Variants in YTHDC2 observed in about 807,000 individuals in gnomAD.
YTHDC2 encodes the protein YTH N6-methyladenosine RNA binding protein C2.
In YTHDC2, 45 loss-of-function variants were observed where a neutral mutation model predicts 174.9. The observed-to-expected ratio is 0.26, with a 90% CI of 0.20 to 0.33. YTHDC2 has a LOEUF of 0.33. Among genes scored for constraint, YTHDC2 ranks in the 10% least tolerant of loss-of-function variants. The probability of loss-of-function intolerance (pLI) is 1.00; values close to 1 mark genes in which losing one functional copy is unlikely to be tolerated. For missense variants in YTHDC2, 1,650 were observed against 1,723.7 expected (o/e 0.96, Z 0.76); for synonymous variants, 657 against 574.5 (o/e 1.14, Z -2.05).
intron 7 of YTHDC2, among the ~76,000 whole-genome samples, chr5:113,536,136 C>T (rs1775052821): frequency 6.6e-6 from 1 of 152,220 alleles, no homozygotes; most frequent in Non-Finnish European, 1.5e-5. Context: ...TTCACATTCA[C>T]TTCTGAAAAT....
At chr5:113,586,761 T>C (rs946559294) in intron 26 of YTHDC2, among the ~76,000 whole-genome samples, 2 of 149,982 alleles carry the variant, frequency 1.3e-5, no homozygotes, top group Non-Finnish European at 3.0e-5. Context: ...AAACCATTTG[T>C]TTTTTTCCAT....
chr5:113,571,033 A>G (rs747703542), intron 23 of YTHDC2, among the ~76,000 whole-genome samples: 1 of 152,208 alleles, frequency 6.6e-6, no homozygotes, highest in Non-Finnish European at 1.5e-5. Context: ...AAGAGTGATG[A>G]GAGAGGACAT....
At position 113,564,044 on chromosome 5, in the gene YTHDC2, C is replaced by G. The variant is rs745561649; in HGVS notation, c.2628C>G (p.Ala876=). The change falls in exon 20 of 30, where the codon GCC becomes GCG. Residue 876 remains alanine (A), a synonymous_variant. Coordinates refer to ENST00000161863, the MANE Select transcript of YTHDC2 (RefSeq NM_022828.5). ...ATCCTTTTGTACTACCTACTCAGGC[C>G]TCTCAAAAACGTGCAGCTATGCTTT... The part of the protein sequence containing the change: ...YRDPFVLPTQ[A]SQKRAAMLCR... The G allele has an allele frequency of 3.1e-6, 5 of 1,613,964 alleles. No homozygotes were observed. Among genetic ancestry groups the G allele is most frequent in the East Asian group, 2.2e-5 (1 of 44,872 alleles).
At position 113,591,981 on chromosome 5, in the gene YTHDC2, C is replaced by T; in HGVS notation, c.4030-15C>T. 1 of 1,585,206 alleles carries T rather than the reference C, an allele frequency of 6.3e-7. No homozygotes were observed. Among genetic ancestry groups the T allele is most frequent in the East Asian group, 2.3e-5 (1 of 44,208 alleles). On this transcript the variant is annotated splice_polypyrimidine_tract_variant and intron_variant, in intron 27 of 29. Coordinates refer to ENST00000161863, the MANE Select transcript of YTHDC2 (RefSeq NM_022828.5). ...TCCTCCTCACCTCTATTCCTTCCTC[C>T]CATTTTACCTACAGGGATTTTCTAG...
Position 113,584,408 on chromosome 5 carries a change from T to A in YTHDC2, c.3754T>A (p.Ser1252Thr). 6.2e-7 allele frequency: 1 copy of A among 1,613,854 alleles called. No individual in the cohort carries two copies. Among genetic ancestry groups the A allele is most frequent in the South Asian group, 1.1e-5 (1 of 91,056 alleles). ...RGTEDRSDQS[S>T]LKSTDSSSYP... ...TACTGAGGACCGATCAGATCAGTCT[T>A]CTCTGAAATCTACAGACAGCAGTAG... The change falls in exon 26 of 30, where the codon TCT becomes ACT. Residue 1252 changes from serine to threonine, a missense_variant. Coordinates refer to ENST00000161863, the MANE Select transcript of YTHDC2 (RefSeq NM_022828.5).
chr5:113,552,742 T>C (rs1776333165), intron 12 of YTHDC2, among the ~76,000 whole-genome samples: 1 of 152,148 alleles, frequency 6.6e-6, no homozygotes, highest in African/African-American at 2.4e-5. Flanking sequence ...GCCACATTGT[T>C]TTCCAAAGCA....
intron 20 of YTHDC2, among the ~76,000 whole-genome samples, chr5:113,564,475 T>G (rs186812493): frequency 2.6e-5 from 4 of 152,192 alleles, no homozygotes; most frequent in Admixed American, 6.5e-5. Context: ...CTATTTAAAG[T>G]ACATAGAATA....
intron 3 of YTHDC2, among the ~76,000 whole-genome samples, chr5:113,525,994 T>C (rs1774204643): frequency 1.3e-5 from 2 of 152,128 alleles, no homozygotes; most frequent in Admixed American, 1.3e-4. Context: ...AATGTGGATG[T>C]TGGCTAAAAT....
intron 22 of YTHDC2, 64 bp downstream of exon 22, chr5:113,567,361 G>GA: frequency 1.5e-6 from 2 of 1,294,534 alleles, no homozygotes; most frequent in Non-Finnish European, 2.0e-6. Flanking sequence ...CACTATCAAT[G>GA]AAAAATGCTC....
intron 26 of YTHDC2, 124 bp from the exon 27 acceptor site, chr5:113,590,917 T>A: frequency 1.3e-6 from 1 of 788,786 alleles, no homozygotes; most frequent in Non-Finnish European, 2.0e-6. Context: ...GATAGAGCTA[T>A]TTGCATTTGT....
At chr5:113,579,536 A>G (rs758791276) in intron 23 of YTHDC2, 50 bp from the exon 24 acceptor site, 6 of 1,404,246 alleles carry the variant, frequency 4.3e-6, no homozygotes, top group East Asian at 2.5e-5. Flanking sequence ...GTTTTTTGCC[A>G]TAACGTAAGA....
chr5:113,548,322 A>G (rs527283740), intron 10 of YTHDC2, among the ~76,000 whole-genome samples: 50 of 152,228 alleles, frequency 3.3e-4, no homozygotes, highest in African/African-American at 1.1e-3. Context: ...CTACCTTCCA[A>G]CCAACAGTCT....
At chr5:113,592,736 T>C (rs1779073709) in intron 28 of YTHDC2, 1 of 152,468 alleles carries the variant, frequency 6.6e-6, no homozygotes, top group African/African-American at 2.4e-5. Flanking sequence ...CTTAAGTGCT[T>C]ATCATAGGTT....
chr5:113,588,111 CATTT>C (rs1561712290), intron 26 of YTHDC2, among the ~76,000 whole-genome samples: 1 of 152,006 alleles, frequency 6.6e-6, no homozygotes, highest in African/African-American at 2.4e-5. Flanking sequence ...GACCTTATTT[CATTT>C]ATTAATTCTA....
At chr5:113,579,367 C>T (rs1342236431) in intron 23 of YTHDC2, among the ~76,000 whole-genome samples, 1 of 151,978 alleles carries the variant, frequency 6.6e-6, no homozygotes, top group Non-Finnish European at 1.5e-5. Flanking sequence ...TATTTTGTTG[C>T]ATTGTGATGA....
chr5:113,553,869 AT>A lies in YTHDC2; in HGVS notation c.2052+16del. On this transcript the variant is annotated intron_variant, in intron 15 of 29. Transcript: ENST00000161863. ...TTCGAAAAATAGTAAGCTTCATAAAATCTTCTTTTTAACACTTTCATTAGTT... is the reference window on the plus strand; with the variant it reads ...TTCGAAAAATAGTAAGCTTCATAAAACTTCTTTTTAACACTTTCATTAGTT... 6.3e-7 allele frequency: 1 copy of A among 1,592,776 alleles called. No homozygotes were observed. The highest frequency in any genetic ancestry group is 8.5e-7 in the Non-Finnish European group (1 of 1,174,446).
intron 26 of YTHDC2, among the ~76,000 whole-genome samples, chr5:113,584,773 C>CTTTTTTTT (rs34217644): frequency 1.0e-5 from 1 of 95,720 alleles, no homozygotes; most frequent in Non-Finnish European, 2.0e-5. Context: ...CTTTCGAATC[C>CTTTTTTTT]TTTTTTTTTT....
In YTHDC2 at chr5:113,567,727, C is replaced by G. The variant is rs1275878821; in HGVS notation, c.3122C>G (p.Thr1041Ser). 1 of 1,611,678 alleles carries G rather than the reference C, an allele frequency of 6.2e-7. No individual in the cohort carries two copies. The highest frequency in any genetic ancestry group is 8.5e-7 in the Non-Finnish European group (1 of 1,178,888). ...GATTGGCTTATTTATGATGAAATGACCAGAGCCCATAGAATAGCTAATATT... is the reference window on the plus strand; with the variant it reads ...GATTGGCTTATTTATGATGAAATGAGCAGAGCCCATAGAATAGCTAATATT... ...PTDWLIYDEM[T>S]RAHRIANIRC... The change falls in exon 23 of 30, where the codon ACC becomes AGC. Residue 1041 changes from threonine (T) to serine (S), a missense_variant. Around this residue, in one of 5 missense-constraint regions of YTHDC2, gnomAD observed 913 missense variants for 940.4 expected, o/e 0.97. Coordinates refer to ENST00000161863, the MANE Select transcript of YTHDC2 (RefSeq NM_022828.5).
At chr5:113,566,070 C>G (rs1777310174) in intron 21 of YTHDC2, 51 bp downstream of exon 21, 1 of 1,498,054 alleles carries the variant, frequency 6.7e-7, no homozygotes, top group Non-Finnish European at 8.9e-7. Flanking sequence ...AGTACCCTGC[C>G]CATATTTCAT....
Sources: gnomAD v4.1 joint callset for allele counts (sites outside exome capture counted in the v4.1 genomes callset) on GRCh38, gnomAD v4.1.1 for gene constraint, gnomAD v4.1.1 regional missense constraint, MANE v1.5 for transcripts, NCBI Gene and HGNC (gene_info 2026-07-23, HGNC 2026-07-21) for gene names.